The following MINK1 variants were observed in gnomAD, a reference collection of about 807,000 sequenced individuals.
The protein encoded by MINK1 is misshapen like kinase 1.
Under a neutral mutation model 178.4 loss-of-function variants are expected in MINK1, and 46 were observed. The ratio of observed to expected loss-of-function variants is 0.26; its 90% CI spans 0.20 to 0.33. The LOEUF (loss-of-function observed/expected upper bound fraction) is 0.33. Among genes scored for constraint, MINK1 ranks in the 10% least tolerant of loss-of-function variants. The pLI is 1.00. For synonymous variants in MINK1, 797 were observed against 709.7 expected (o/e 1.12, Z -1.96); for missense variants, 1,366 against 1,814.9 (o/e 0.75, Z 4.49).
chr17:4,873,930 C>T (rs1290219963), intron 1 of MINK1, among the ~76,000 whole-genome samples: 1 of 151,990 alleles, frequency 6.6e-6, no homozygotes, highest in Non-Finnish European at 1.5e-5. Context: ...CTAAGGTGGA[C>T]TTTTTACACA....
chr17:4,861,014 C>G (rs1223205635), intron 1 of MINK1, among the ~76,000 whole-genome samples: 1 of 152,240 alleles, frequency 6.6e-6, no homozygotes, highest in Non-Finnish European at 1.5e-5. Context: ...CTCCCTCCAG[C>G]CCTTGTTCCT....
chr17:4,851,593 C>CGA (rs1567565528), intron 1 of MINK1, among the ~76,000 whole-genome samples: 1 of 152,156 alleles, frequency 6.6e-6, no homozygotes, highest in Non-Finnish European at 1.5e-5. Context: ...TTTTCTCCTC[C>CGA]GAGAAGCCTT....
chr17:4,875,814 G>A (rs12938145), intron 1 of MINK1, among the ~76,000 whole-genome samples: 63,923 of 150,790 alleles, frequency 0.42, 15,805 homozygotes, highest in Non-Finnish European at 0.57. Flanking sequence ...TCCCCCCGCC[G>A]AGACAGAGCC....
At chr17:4,856,490 G>A (rs1365267291) in intron 1 of MINK1, among the ~76,000 whole-genome samples, 1 of 151,692 alleles carries the variant, frequency 6.6e-6, no homozygotes, top group Non-Finnish European at 1.5e-5. Flanking sequence ...AGACACAGCT[G>A]CCGCACAGGG....
Position 4,894,212 on chromosome 17 carries a change from C to A in MINK1, c.2709C>A (p.Ser903Arg), listed in dbSNP as rs1237193794. Residue 903 changes from serine to arginine, a missense_variant, in exon 23 of 32, where the codon AGC becomes AGA. Ser to Arg is a moderately radical substitution (Grantham distance 110, BLOSUM62 -1). This residue lies in a region of MINK1 where 709 missense variants were observed against 692.3 expected (regional missense o/e 1.02). Coordinates refer to ENST00000355280, the MANE Select transcript of MINK1 (RefSeq NM_153827.5). The surrounding 1 kb of genome is among the most constrained non-coding windows in gnomAD (Gnocchi z 4.1). ...EEERNLLHAD[S>R]NGYTNLPDVV... is the part of the protein sequence containing the mutation. ...AGCGGAACCTGCTGCATGCTGACAG[C>A]AATGGGTACACAAACCTGCCTGACG... 6.2e-7 allele frequency: 1 copy of A among 1,613,612 alleles called. No homozygotes were observed. The highest frequency in any genetic ancestry group is 8.5e-7 in the Non-Finnish European group (1 of 1,179,856).
chr17:4,868,644 A>G (rs1176379320), intron 1 of MINK1, among the ~76,000 whole-genome samples: 1 of 152,198 alleles, frequency 6.6e-6, no homozygotes, highest in Non-Finnish European at 1.5e-5. Flanking sequence ...GCCATATTTT[A>G]TGTATGCATT....
Position 4,895,450 on chromosome 17 carries a change from G to A in MINK1, c.3186G>A (p.Gln1062=), listed in dbSNP as rs757365113. 3 of 1,604,564 alleles carry A rather than the reference G, an allele frequency of 1.9e-6. No homozygotes were observed. Among genetic ancestry groups the A allele is most frequent in the Admixed American group, 1.7e-5 (1 of 59,348 alleles). The change falls in exon 26 of 32, where the codon CAG becomes CAA. Residue 1062 remains glutamine, a synonymous_variant. Coordinates refer to ENST00000355280, the MANE Select transcript of MINK1 (RefSeq NM_153827.5). The surrounding 1 kb of genome is among the most constrained non-coding windows in gnomAD (Gnocchi z 4.3). ...YGLIGRRRFQ[Q]MDVLEGLNLL... Reference sequence around the variant, plus strand: ...TCATTGGGCGGCGACGCTTCCAGCAGATGGATGTGCTGGAGGGGCTCAACC... The same window carrying A: ...TCATTGGGCGGCGACGCTTCCAGCAAATGGATGTGCTGGAGGGGCTCAACC...
chr17:4,840,574 T>C (rs991285343), intron 1 of MINK1, among the ~76,000 whole-genome samples: 1 of 152,118 alleles, frequency 6.6e-6, no homozygotes, highest in Non-Finnish European at 1.5e-5. Context: ...GTTATTAGCC[T>C]AAGGGGTGCC....
rs1969104072 is a variant in MINK1, at chr17:4,893,592, G to A, written c.2559G>A (p.Gly853=). 6.5e-7 allele frequency: 1 copy of A among 1,534,506 alleles called. No homozygotes were observed. Among genetic ancestry groups the A allele is most frequent in the Non-Finnish European group, 8.8e-7 (1 of 1,137,794 alleles). The change falls in exon 21 of 32, where the codon GGG becomes GGA. Residue 853 remains glycine (G), a synonymous_variant. Transcript: ENST00000355280. The part of the protein sequence containing the change: ...GPAEGSRDTP[G]GRSDGDTDSV... ...CAGAGGGGAGCAGAGATACCCCTGGGGGCCGGTACGGCATCGGGAGTGGGG... is the reference window on the plus strand; with the variant it reads ...CAGAGGGGAGCAGAGATACCCCTGGAGGCCGGTACGGCATCGGGAGTGGGG...
rs1230038772 is a variant in MINK1, at chr17:4,833,480, G to C, written c.-104G>C. The C allele has an allele frequency of 2.4e-5, 23 of 975,360 alleles. No homozygotes were observed. The highest frequency in any genetic ancestry group is 3.4e-5 in the Non-Finnish European group (23 of 679,768). The allele number at this position is 975,360 out of a possible 1,614,324, so 60.4% of individuals were successfully genotyped here. On this transcript the variant is annotated 5_prime_UTR_variant, in exon 1 of 32. Transcript: ENST00000355280. The surrounding 1 kb of genome is among the most constrained non-coding windows in gnomAD (Gnocchi z 4.8). The stretch of plus-strand genomic sequence containing the variant: ...CGGTCTCCGGGGGAGGCGCGGTGGA[G>C]TCCGCCCCCGGGGTTCTCCGATGGG...
chr17:4,889,649 A>G lies in MINK1; in HGVS notation c.1233A>G (p.Gln411=). 3.8e-6 allele frequency: 6 copies of G among 1,574,554 alleles called. No individual in the cohort carries two copies. The highest frequency in any genetic ancestry group is 5.2e-6 in the Non-Finnish European group (6 of 1,161,338). ...AGACCACCTGGCTCTCCCCACAGCA[A>G]CAGCGGCGGGAGCGGGAGCAGCGGA... is the stretch of plus-strand genomic sequence containing the variant. ...QKEERRRVEE[Q]QRREREQRKL... Residue 411 remains glutamine (Q), a splice_region_variant and synonymous_variant, in exon 13 of 32, where the codon CAA becomes CAG. Transcript: ENST00000355280.
At position 4,895,983 on chromosome 17, in the gene MINK1, C is replaced by A; in HGVS notation, c.3365-20C>A. On this transcript the variant is annotated intron_variant, in intron 27 of 31. Transcript: ENST00000355280. The surrounding 1 kb of genome is among the most constrained non-coding windows in gnomAD (Gnocchi z 4.3). ...CGCAAGAAGGGAAGTCTCAGCATCC[C>A]TCTTCTCTCCCGCCCCCAGTGAAAT... The A allele has an allele frequency of 1.9e-6, 3 of 1,580,096 alleles. No homozygotes were observed. Among genetic ancestry groups the A allele is most frequent in the Non-Finnish European group, 2.6e-6 (3 of 1,163,140 alleles).
rs1396998106 is a variant in MINK1, at chr17:4,887,001, C to T, written c.950-109C>T. ...TGCCCCCAGGAAGTGGGTGGGGCCCCTCATGCTTGCCCAGCCAGAGAGACC... is the reference window on the plus strand; with the variant it reads ...TGCCCCCAGGAAGTGGGTGGGGCCCTTCATGCTTGCCCAGCCAGAGAGACC... On this transcript the variant is annotated intron_variant, in intron 10 of 31. Coordinates refer to ENST00000355280, the MANE Select transcript of MINK1 (RefSeq NM_153827.5). The surrounding 1 kb of genome is among the most constrained non-coding windows in gnomAD (Gnocchi z 7.6). The T allele has an allele frequency of 9.8e-6, 12 of 1,223,008 alleles. No individual in the cohort carries two copies. The highest frequency in any genetic ancestry group is 1.3e-5 in the Non-Finnish European group (11 of 869,322). The allele number at this position is 1,223,008 out of a possible 1,614,324, so 75.8% of individuals were successfully genotyped here. A position where few individuals can be genotyped will look rare whatever the true frequency, so the allele number is the denominator to read the frequency against.
At position 4,893,578 on chromosome 17, in the gene MINK1, A is replaced by G; in HGVS notation, c.2545A>G (p.Arg849Gly). 6.4e-7 allele frequency: 1 copy of G among 1,559,772 alleles called. No individual in the cohort carries two copies. The highest frequency in any genetic ancestry group is 8.7e-7 in the Non-Finnish European group (1 of 1,149,042). Residue 849 changes from arginine (R) to glycine (G), a missense_variant, in exon 21 of 32, where the codon AGA becomes GGA. Physicochemically the swap from Arg to Gly is moderately radical, Grantham distance 125. Transcript: ENST00000355280. ...CGAAGGCGGGCCAGCAGAGGGGAGC[A>G]GAGATACCCCTGGGGGCCGGTACGG... ...EGEGGPAEGSRDTPGGRSDGD... is the reference protein window; with the variant it reads ...EGEGGPAEGSGDTPGGRSDGD...
In MINK1 at chr17:4,894,925, TC is replaced by T. The variant is rs2151070251; in HGVS notation, c.2918-145del. On this transcript the variant is annotated intron_variant, in intron 24 of 31. Coordinates refer to ENST00000355280, the MANE Select transcript of MINK1 (RefSeq NM_153827.5). This position sits in a 1 kb window ranked among gnomAD's most constrained non-coding sequence, Gnocchi z 4.1. ...TTTTGACTCCAAGTCCAGCACTCTATCCCCCTCTCCCATGCACCTCCTCTCC... is the reference window on the plus strand; with the variant it reads ...TTTTGACTCCAAGTCCAGCACTCTATCCCCTCTCCCATGCACCTCCTCTCC... 2.4e-6 allele frequency: 2 copies of T among 844,256 alleles called. No homozygotes were observed. Among genetic ancestry groups the T allele is most frequent in the East Asian group, 5.3e-5 (2 of 37,634 alleles). The allele number at this position is 844,256 out of a possible 1,614,324, so 52.3% of individuals were successfully genotyped here.
At position 4,884,391 on chromosome 17, in the gene MINK1, C is replaced by T; in HGVS notation, c.335C>T (p.Ser112Leu). 6.2e-7 allele frequency: 1 copy of T among 1,613,930 alleles called. No individual in the cohort carries two copies. Among genetic ancestry groups the T allele is most frequent in the Non-Finnish European group, 8.5e-7 (1 of 1,179,862 alleles). ...GTGATGGAGTTCTGTGGTGCTGGTT[C>T]AGTGACTGACCTGGTAAAGAACACA... ...WLVMEFCGAGSVTDLVKNTKG... is the reference protein window; with the variant it reads ...WLVMEFCGAGLVTDLVKNTKG... Residue 112 changes from serine (S) to leucine (L), a missense_variant, in exon 5 of 32, where the codon TCA becomes TTA. Physicochemically the swap from Ser to Leu is moderately radical, Grantham distance 145. This residue lies in a region of MINK1 where 109 missense variants were observed against 369.4 expected (regional missense o/e 0.30). Transcript: ENST00000355280.
At chr17:4,853,553 A>G (rs1436222891) in intron 1 of MINK1, among the ~76,000 whole-genome samples, 7 of 151,932 alleles carry the variant, frequency 4.6e-5, no homozygotes, top group Non-Finnish European at 1.0e-4. Flanking sequence ...CTTGACAAAC[A>G]TTTCACTTGT....
At chr17:4,837,802 G>C (rs1056149670) in intron 1 of MINK1, among the ~76,000 whole-genome samples, 4 of 152,122 alleles carry the variant, frequency 2.6e-5, no homozygotes, top group African/African-American at 9.7e-5. Context: ...GCTTAGCGTC[G>C]CTGGATTGAA....
intron 1 of MINK1, among the ~76,000 whole-genome samples, chr17:4,866,103 A>C (rs184765062): frequency 6.6e-4 from 101 of 152,266 alleles, no homozygotes; most frequent in Non-Finnish European, 1.9e-4. Flanking sequence ...TCTGGTACAC[A>C]ATAGGAAGGA....
Sources: allele counts gnomAD v4.1 joint callset (sites outside exome capture counted in the v4.1 genomes callset), GRCh38; gene constraint gnomAD v4.1.1; regional missense constraint gnomAD v4.1.1; non-coding constraint Gnocchi (gnomAD v3.1); transcripts MANE v1.5; gene names NCBI Gene and HGNC (gene_info 2026-07-23, HGNC 2026-07-21).